USP21: variants seen among roughly 807,000 people sequenced by gnomAD.
USP21 encodes the protein ubiquitin carboxyl-terminal hydrolase 21.
USP21 carries 37 observed loss-of-function variants against 70.8 expected under a neutral mutation model. That is an observed-to-expected ratio of 0.52 (90% CI 0.40 to 0.69). The LOEUF (loss-of-function observed/expected upper bound fraction) is 0.69. USP21 is among the 30% of genes least tolerant of loss of function. The probability of loss-of-function intolerance (pLI) is 0.00; values close to 1 mark genes in which losing one functional copy is unlikely to be tolerated. For missense variants in USP21, 584 were observed against 740.8 expected (o/e 0.79, Z 2.46); for synonymous variants, 263 against 283.1 (o/e 0.93, Z 0.71).
rs1011747029 is a variant in USP21 at position 161,161,589 on chromosome 1, A to G, written c.600+349A>G. The G allele has an allele frequency of 3.0e-5, 11 of 372,796 alleles. No homozygotes were observed. Among genetic ancestry groups the G allele is most frequent in the Non-Finnish European group, 4.4e-5 (9 of 204,288 alleles). 23.1% of individuals were successfully genotyped at this position (372,796 alleles called of 1,614,324 possible). A position where few individuals can be genotyped will look rare whatever the true frequency, so the allele number is the denominator to read the frequency against. On this transcript the variant is annotated intron_variant, in intron 3 of 13. Coordinates refer to ENST00000368002, the MANE Select transcript of USP21 (RefSeq NM_001014443.3). This position sits in a 1 kb window ranked among gnomAD's most constrained non-coding sequence, Gnocchi z 4.2. ...TCTGGAGCTAAAGAGAGGCAGGCAC[A>G]GAACATCTTAGCAAACGTGGTTGCA...
At chr1:161,163,782 G>A (rs1658141000) in intron 8 of USP21, 96 bp from the exon 9 acceptor site, 4 of 1,370,610 alleles carry the variant, frequency 2.9e-6, no homozygotes, top group Non-Finnish European at 4.2e-6. Flanking sequence ...GGGAAAGGAA[G>A]GGTCAAGCAA....
intron 7 of USP21, 28 bp downstream of exon 7, chr1:161,163,102 C>A: frequency 6.4e-7 from 1 of 1,559,360 alleles, no homozygotes; most frequent in Non-Finnish European, 8.7e-7. Context: ...TACCTCCTTT[C>A]CCCGTAGTTT....
rs143084354 is a variant in USP21, at chr1:161,161,374, C to T, written c.600+134C>T. 610 of 1,186,404 alleles carry T rather than the reference C, an allele frequency of 5.1e-4. 1 individual carries two copies. Among genetic ancestry groups the T allele is most frequent in the Middle Eastern group, 2.1e-3 (10 of 4,692 alleles). The allele number at this position is 1,186,404 out of a possible 1,614,324, so 73.5% of individuals were successfully genotyped here. Reference sequence around the variant, plus strand: ...TCATTACAGCAGTTTGGACATGCCTCTCCCTTGCTTAAATACCCTTGAGCC... The same window carrying T: ...TCATTACAGCAGTTTGGACATGCCTTTCCCTTGCTTAAATACCCTTGAGCC... On this transcript the variant is annotated intron_variant, in intron 3 of 13. Transcript: ENST00000368002. The surrounding 1 kb of genome is among the most constrained non-coding windows in gnomAD (Gnocchi z 4.2).
rs1658123506 is a variant in USP21 at position 161,163,623 on chromosome 1, T to C, written c.1114+4T>C. ...CGAGAGGACAGCAAGATTGTGGGTA[T>C]GGAATGGGGCAAAGCAATGAGGGAA... On this transcript the variant is annotated splice_donor_region_variant and intron_variant, in intron 8 of 13. Coordinates refer to ENST00000368002, the MANE Select transcript of USP21 (RefSeq NM_001014443.3). The C allele has an allele frequency of 1.3e-6, 2 of 1,556,906 alleles. No homozygotes were observed. Among genetic ancestry groups the C allele is most frequent in the Non-Finnish European group, 1.7e-6 (2 of 1,149,364 alleles).
chr1:161,160,586 A>C (rs1272330361), intron 2 of USP21, 34 bp from the exon 3 acceptor site: 13 of 1,570,710 alleles, frequency 8.3e-6, no homozygotes, highest in Admixed American at 1.8e-5. Context: ...ATTTCCCCCC[A>C]TATTCAAATG....
rs937032457 is a variant in USP21 at position 161,164,150 on chromosome 1, C to T, written c.1219-14C>T. 2 of 1,613,026 alleles carry T rather than the reference C, an allele frequency of 1.2e-6. No homozygotes were observed. Among genetic ancestry groups the T allele is most frequent in the South Asian group, 1.1e-5 (1 of 91,062 alleles). On this transcript the variant is annotated splice_polypyrimidine_tract_variant and intron_variant, in intron 9 of 13. Transcript: ENST00000368002. This position sits in a 1 kb window ranked among gnomAD's most constrained non-coding sequence, Gnocchi z 4.2. ...ATTCAGAACATGTTGACCTTTCTTC[C>T]CCTTTTCCCCCAGAAAGGATTTGCT...
At position 161,163,963 on chromosome 1, in the gene USP21, G is replaced by C. The variant is rs774335235; in HGVS notation, c.1200G>C (p.Leu400=). 3 of 1,614,162 alleles carry C rather than the reference G, an allele frequency of 1.9e-6. No homozygotes were observed. Among genetic ancestry groups the C allele is most frequent in the Non-Finnish European group, 2.5e-6 (3 of 1,180,010 alleles). Residue 400 remains leucine (L), a synonymous_variant, in exon 9 of 14, where the codon CTG becomes CTC. Coordinates refer to ENST00000368002, the MANE Select transcript of USP21 (RefSeq NM_001014443.3). ...RSTTFEVFCD[L]SLPIPKKGFA... ...CGACCTTCGAGGTTTTTTGTGACCT[G>C]TCCCTGCCCATCCCCAAGGTGGGAT...
At chr1:161,165,198 CT>C in intron 13 of USP21, 55 bp downstream of exon 13, 1 of 1,530,970 alleles carries the variant, frequency 6.5e-7, no homozygotes, top group Non-Finnish European at 9.0e-7. Flanking sequence ...CCCTGACACC[CT>C]CCCCTTCTAT....
At position 161,161,804 on chromosome 1, in the gene USP21, A is replaced by C; in HGVS notation, c.601-234A>C. ...CGTCAGCTAGCTGAGCAGAGGAGTA[A>C]GTGGGCAACAGGTGGGACAGCCATG... On this transcript the variant is annotated intron_variant, in intron 3 of 13. Transcript: ENST00000368002. The surrounding 1 kb of genome is among the most constrained non-coding windows in gnomAD (Gnocchi z 4.2). The C allele has an allele frequency of 1.8e-6, 1 of 563,982 alleles. No homozygotes were observed. The highest frequency in any genetic ancestry group is 3.2e-6 in the Non-Finnish European group (1 of 313,600). The allele number at this position is 563,982 out of a possible 1,614,324, so 34.9% of individuals were successfully genotyped here.
At chr1:161,163,445 A>G in intron 7 of USP21, 110 bp from the exon 8 acceptor site, 1 of 941,120 alleles carries the variant, frequency 1.1e-6, no homozygotes, top group Non-Finnish European at 1.7e-6. Flanking sequence ...GGGAAGGAGC[A>G]GGGGTGTGGA....
In USP21 at chr1:161,161,740, A is replaced by G. The variant is rs1391851642; in HGVS notation, c.601-298A>G. The G allele has an allele frequency of 2.0e-6, 1 of 492,254 alleles. No individual in the cohort carries two copies. Among genetic ancestry groups the G allele is most frequent in the Non-Finnish European group, 3.7e-6 (1 of 272,268 alleles). 30.5% of individuals were successfully genotyped at this position (492,254 alleles called of 1,614,324 possible). On this transcript the variant is annotated intron_variant, in intron 3 of 13. Transcript: ENST00000368002. The surrounding 1 kb of genome is among the most constrained non-coding windows in gnomAD (Gnocchi z 4.2). ...GGTGGGAGTGGTGAGCAGCTGGGCA[A>G]CCATGCCGGTGCTGGGGGAGTTGCC...
chr1:161,164,072 G>A lies in USP21; in HGVS notation c.1218+91G>A, dbSNP rs1658200295. On this transcript the variant is annotated intron_variant, in intron 9 of 13. Coordinates refer to ENST00000368002, the MANE Select transcript of USP21 (RefSeq NM_001014443.3). This position sits in a 1 kb window ranked among gnomAD's most constrained non-coding sequence, Gnocchi z 4.2. ...CAGAGTGTGGGCGGGAACCCTGTGG[G>A]TTTCTGGAGCAGAACTGAAGCCTGG... The A allele has an allele frequency of 1.9e-6, 3 of 1,585,700 alleles. No homozygotes were observed. In the Admixed American group the frequency reaches 5.0e-5, roughly 27 times the overall value.
Position 161,163,945 on chromosome 1 carries a change from C to G in USP21, c.1182C>G (p.Phe394Leu). 1 of 1,614,164 alleles carries G rather than the reference C, an allele frequency of 6.2e-7. No homozygotes were observed. Among genetic ancestry groups the G allele is most frequent in the Non-Finnish European group, 8.5e-7 (1 of 1,180,032 alleles). ...CCTGTGGGTATCGCTCCACGACCTT[C>G]GAGGTTTTTTGTGACCTGTCCCTGC... ...CQACGYRSTTFEVFCDLSLPI... is the reference protein window; with the variant it reads ...CQACGYRSTTLEVFCDLSLPI... The change falls in exon 9 of 14, where the codon TTC (phenylalanine) becomes TTG (leucine). Residue 394 changes from phenylalanine to leucine, a missense_variant. Transcript: ENST00000368002.
chr1:161,160,322 C>A, intron 1 of USP21, 44 bp from the exon 2 acceptor site: 1 of 377,396 alleles, frequency 2.6e-6, no homozygotes. Flanking sequence ...ATTTGTTTAC[C>A]CAATAGATAC....
intron 7 of USP21, among the ~76,000 whole-genome samples, chr1:161,163,292 A>G (rs558033897): frequency 4.6e-5 from 7 of 152,318 alleles, no homozygotes; most frequent in African/African-American, 1.7e-4. Flanking sequence ...ATGTCACCAA[A>G]TTGAAGAAGG....
At position 161,162,163 on chromosome 1, in the gene USP21, A is replaced by G; in HGVS notation, c.660+66A>G. 1 of 1,612,884 alleles carries G rather than the reference A, an allele frequency of 6.2e-7. No individual in the cohort carries two copies. Reference sequence around the variant, plus strand: ...TGAAATGGTGCTGGGGGTGGGGAAAACCCACGAGCTTGGGGAAGGCATGTG... The same window carrying G: ...TGAAATGGTGCTGGGGGTGGGGAAAGCCCACGAGCTTGGGGAAGGCATGTG... On this transcript the variant is annotated intron_variant, in intron 4 of 13. Coordinates refer to ENST00000368002, the MANE Select transcript of USP21 (RefSeq NM_001014443.3). This position sits in a 1 kb window ranked among gnomAD's most constrained non-coding sequence, Gnocchi z 4.1.
Position 161,162,461 on chromosome 1 carries a change from C to T in USP21, c.781+71C>T. On this transcript the variant is annotated intron_variant, in intron 5 of 13. Coordinates refer to ENST00000368002, the MANE Select transcript of USP21 (RefSeq NM_001014443.3). The surrounding 1 kb of genome is among the most constrained non-coding windows in gnomAD (Gnocchi z 4.1). ...CAACCACTTGCAGGTCCATCTGCCA[C>T]TGGTGGTGGCCCCCAACCCTTAAAT... is the stretch of plus-strand genomic sequence containing the variant. 1 of 1,563,140 alleles carries T rather than the reference C, an allele frequency of 6.4e-7. No individual in the cohort carries two copies. The highest frequency in any genetic ancestry group is 8.7e-7 in the Non-Finnish European group (1 of 1,150,540).
chr1:161,162,516 C>T lies in USP21; in HGVS notation c.782-99C>T, dbSNP rs1412011050. On this transcript the variant is annotated intron_variant, in intron 5 of 13. Transcript: ENST00000368002. This position sits in a 1 kb window ranked among gnomAD's most constrained non-coding sequence, Gnocchi z 4.1. ...CAGTTGTATCTACTTTTCCCAGTGC[C>T]TACTTTCCTAAAGGTTATTTTCTAC... 2.0e-6 allele frequency: 3 copies of T among 1,533,552 alleles called. No individual in the cohort carries two copies. Among genetic ancestry groups the T allele is most frequent in the African/African-American group, 1.4e-5 (1 of 73,116 alleles). The allele number at this position is 1,533,552 out of a possible 1,614,324, so 95.0% of individuals were successfully genotyped here.
At chr1:161,163,449 G>C in intron 7 of USP21, 106 bp from the exon 8 acceptor site, 1 of 987,984 alleles carries the variant, frequency 1.0e-6, no homozygotes, top group Middle Eastern at 2.1e-4. Context: ...AGGAGCAGGG[G>C]TGTGGATGGG....
Sources: allele counts gnomAD v4.1 joint callset (sites outside exome capture counted in the v4.1 genomes callset), GRCh38; gene constraint gnomAD v4.1.1; non-coding constraint Gnocchi (gnomAD v3.1); transcripts MANE v1.5; gene names NCBI Gene and HGNC (gene_info 2026-07-23, HGNC 2026-07-21).